Variants in GGH observed in about 807,000 individuals in gnomAD.
GGH encodes gamma-Glu-X carboxypeptidase.
In GGH, 18 loss-of-function variants were observed where a neutral mutation model predicts 39.2. The ratio of observed to expected loss-of-function variants is 0.46; its 90% CI spans 0.32 to 0.68. GGH has a LOEUF of 0.68. GGH is among the 30% of genes least tolerant of loss of function. GGH has a pLI of 0.04. For missense variants in GGH, 367 were observed against 384.1 expected, an observed-to-expected ratio of 0.96 and a Z score of 0.37; for synonymous variants, 147 against 138.8, an observed-to-expected ratio of 1.06 and a Z score of -0.42.
At chr8:63,025,458 G>A (rs1448250343) in intron 5 of GGH, among the ~76,000 whole-genome samples, 2 of 152,084 alleles carry the variant, frequency 1.3e-5, no homozygotes, top group East Asian at 1.9e-4. Context: ...TAAATATAGC[G>A]CTTCCCGGTA....
chr8:63,035,706 C>T lies in GGH; in HGVS notation c.174G>A (p.Ala58=), dbSNP rs11786893. 0.013 allele frequency: 21,125 copies of T among 1,613,068 alleles called. 172 individuals carry two copies. The highest frequency in any genetic ancestry group is 0.016 in the Non-Finnish European group (19,242 of 1,179,768). Residue 58 remains alanine (A), a synonymous_variant, in exon 2 of 9, where the codon GCG becomes GCA. Transcript: ENST00000260118. Reference sequence around the variant, plus strand: ...CAGACTCCAAGTACTTTACATAGGACGCAGCAATATAGTATCTTCCATAGT... The same window carrying T: ...CAGACTCCAAGTACTTTACATAGGATGCAGCAATATAGTATCTTCCATAGT... ...MKNYGRYYIA[A]SYVKYLESAG...
At chr8:63,024,337 C>A (rs994754979) in intron 5 of GGH, 151 bp from the exon 6 acceptor site, 1 of 539,454 alleles carries the variant, frequency 1.9e-6, no homozygotes, top group Non-Finnish European at 3.3e-6. Context: ...TAGAAGTATT[C>A]CAATCAAGTC....
intron 2 of GGH, 120 bp downstream of exon 2, chr8:63,035,536 C>A (rs1179615107): frequency 3.0e-5 from 42 of 1,402,954 alleles, no homozygotes; most frequent in Non-Finnish European, 3.9e-5. Context: ...GAACTCCTGA[C>A]CTCAGTAGTC....
chr8:63,033,983 T>TCATA (rs111291669), intron 2 of GGH, among the ~76,000 whole-genome samples: 3 of 143,240 alleles, frequency 2.1e-5, no homozygotes, highest in African/African-American at 7.7e-5. Context: ...TTGTCTCTCC[T>TCATA]TATATATATA....
At chr8:63,022,004 CT>C (rs1804596205) in intron 7 of GGH, among the ~76,000 whole-genome samples, 1 of 152,066 alleles carries the variant, frequency 6.6e-6, no homozygotes, top group Non-Finnish European at 1.5e-5. Context: ...GCTATCTTTT[CT>C]TCTTAAATCA....
chr8:63,038,168 C>T lies in GGH; in HGVS notation c.109+492G>A, dbSNP rs1804946846. ...AATAGAACTCACATTAGGATATCAG[C>T]CACTGTTGTCCTCTGCTACTGAACA... On this transcript the variant is annotated intron_variant, in intron 1 of 8. Transcript: ENST00000260118. Among the ~76,000 whole-genome samples the T allele has an allele frequency of 2.0e-5, 3 of 152,184 alleles. No individual in the cohort carries two copies. The South Asian group carries it at 6.2e-4, about 32-fold the overall frequency.
chr8:63,021,948 A>C (rs1804594528), intron 7 of GGH, among the ~76,000 whole-genome samples: 1 of 152,208 alleles, frequency 6.6e-6, no homozygotes, highest in South Asian at 2.1e-4. Flanking sequence ...TGCTGGGATT[A>C]CAGGCGTGAG....
intron 2 of GGH, among the ~76,000 whole-genome samples, chr8:63,030,466 T>C (rs1458834569): frequency 6.6e-6 from 1 of 152,218 alleles, no homozygotes; most frequent in Non-Finnish European, 1.5e-5. Flanking sequence ...TTGTGAAGTA[T>C]GTGTTAGTAT....
At chr8:63,032,658 C>T (rs1033337156) in intron 2 of GGH, among the ~76,000 whole-genome samples, 1 of 152,148 alleles carries the variant, frequency 6.6e-6, no homozygotes, top group African/African-American at 2.4e-5. Flanking sequence ...CATCATGATC[C>T]AGTCTTATTT....
At chr8:63,035,546 C>T (rs1442162752) in intron 2 of GGH, 110 bp downstream of exon 2, 2 of 1,441,676 alleles carry the variant, frequency 1.4e-6, no homozygotes, top group Non-Finnish European at 1.8e-6. Context: ...CCTCAGTAGT[C>T]CACCCGCCTT....
chr8:63,026,086 T>C (rs1554602851), intron 5 of GGH, 72 bp downstream of exon 5: 1 of 1,222,232 alleles, frequency 8.2e-7, no homozygotes, highest in African/African-American at 1.6e-5. Flanking sequence ...TAAGCACTTT[T>C]ACTTTCATAT....
chr8:63,029,275 T>C (rs1281623202), intron 3 of GGH, among the ~76,000 whole-genome samples: 1 of 152,212 alleles, frequency 6.6e-6, no homozygotes, highest in Non-Finnish European at 1.5e-5. Flanking sequence ...GGGTGTATGC[T>C]ATACACACCA....
At position 63,017,439 on chromosome 8, in the gene GGH, G is replaced by A. The variant is rs116251445; in HGVS notation, c.835+54C>T. On this transcript the variant is annotated intron_variant, in intron 8 of 8. Coordinates refer to ENST00000260118, the MANE Select transcript of GGH (RefSeq NM_003878.3). ...AGGGTAGGCAAAAGTTCAGATAAGG[G>A]CAATTTTCTTCAAAACTACCCCAGA... 5,041 of 1,264,928 alleles carry A rather than the reference G, an allele frequency of 4.0e-3. 161 individuals are homozygous for A. In the African/African-American group the frequency reaches 0.063, roughly 16 times the overall value. 78.4% of individuals were successfully genotyped at this position (1,264,928 alleles called of 1,614,324 possible).
intron 8 of GGH, chr8:63,017,217 C>CAAA: frequency 3.5e-6 from 1 of 286,454 alleles, no homozygotes; most frequent in Non-Finnish European, 6.4e-6. Context: ...AAAAAGAAAC[C>CAAA]AAAAAAAAAA....
At position 63,035,768 on chromosome 8, in the gene GGH, T is replaced by C. The variant is rs116629513; in HGVS notation, c.112A>G (p.Ile38Val). 475 of 1,607,864 alleles carry C rather than the reference T, an allele frequency of 3.0e-4. 2 individuals carry two copies. In the African/African-American group the frequency reaches 5.7e-3, roughly 19 times the overall value. ...TTATTACGGCATTTTTGCATTAATA[T>C]TCCTAATAACAAAAAAAAGTTTAGT... Reference protein sequence around the residue: ...GDTAKKPIIGILMQKCRNKVM... With the variant: ...GDTAKKPIIGVLMQKCRNKVM... The change falls in exon 2 of 9, where the codon ATA becomes GTA. Residue 38 changes from isoleucine to valine, a missense_variant and splice_region_variant. Ile to Val is a conservative substitution (Grantham distance 29). Coordinates refer to ENST00000260118, the MANE Select transcript of GGH (RefSeq NM_003878.3).
rs1347164414 is a variant in GGH, at chr8:63,038,688, G to A, written c.81C>T (p.His27=). The change falls in exon 1 of 9, where the codon CAC becomes CAT. Residue 27 remains histidine, a synonymous_variant. Transcript: ENST00000260118. ...TGATGGGCTTCTTGGCGGTGTCGCC[G>A]TGGGGTCTAGACAGCTCGAGGCTCG... ...GAASLELSRP[H]GDTAKKPIIG... is the part of the protein sequence containing the mutation. The A allele has an allele frequency of 3.9e-6, 6 of 1,546,988 alleles. No homozygotes were observed. In the African/African-American group the frequency reaches 5.6e-5, roughly 14 times the overall value.
At chr8:63,035,834 A>G in intron 1 of GGH, 64 bp from the exon 2 acceptor site, 2 of 1,315,630 alleles carry the variant, frequency 1.5e-6, no homozygotes, top group Non-Finnish European at 2.2e-6. Flanking sequence ...AAACTGAAAT[A>G]TATCACAGCA....
At chr8:63,021,669 C>CTTTTTTTTTT (rs752057959) in intron 7 of GGH, among the ~76,000 whole-genome samples, 6 of 93,314 alleles carry the variant, frequency 6.4e-5, no homozygotes, top group Non-Finnish European at 1.2e-4. Context: ...ATCTCATATC[C>CTTTTTTTTTT]TTTTTTTTTT....
intron 7 of GGH, among the ~76,000 whole-genome samples, chr8:63,021,401 A>T (rs1326472889): frequency 6.6e-6 from 1 of 152,246 alleles, no homozygotes; most frequent in Non-Finnish European, 1.5e-5. Flanking sequence ...CAGGTAACAA[A>T]ACTGGAAAAT....
Sources: allele counts gnomAD v4.1 joint callset (sites outside exome capture counted in the v4.1 genomes callset), GRCh38; gene constraint gnomAD v4.1.1; transcripts MANE v1.5; gene names NCBI Gene and HGNC (gene_info 2026-07-23, HGNC 2026-07-21).